Variants in GPC5 observed in about 807,000 individuals in gnomAD.
The protein encoded by GPC5 is glypican-5.
A neutral mutation model predicts 53.9 loss-of-function variants in GPC5; 47 were observed. The ratio of observed to expected loss-of-function variants is 0.87; its 90% CI spans 0.69 to 1.11. The LOEUF (loss-of-function observed/expected upper bound fraction) is 1.11, where lower values mean the gene tolerates loss of function less well. Ranked by LOEUF, GPC5 falls within the 50% of genes most tolerant of loss-of-function variation. The probability of loss-of-function intolerance (pLI) is 0.00; values close to 1 mark genes in which losing one functional copy is unlikely to be tolerated. For synonymous variants in GPC5, 286 were observed against 263.3 expected, an observed-to-expected ratio of 1.09 and a Z score of -0.84; for missense variants, 748 against 713.1, an observed-to-expected ratio of 1.05 and a Z score of -0.56.
At chr13:92,405,169 G>C (rs1196457741) in intron 7 of GPC5, among the ~76,000 whole-genome samples, 2 of 131,396 alleles carry the variant, frequency 1.5e-5, no homozygotes, top group African/African-American at 5.8e-5. Flanking sequence ...CAGGGGCATG[G>C]GTGTCCCAGC....
At chr13:92,210,540 T>C (rs2042367601) in intron 7 of GPC5, among the ~76,000 whole-genome samples, 1 of 152,186 alleles carries the variant, frequency 6.6e-6, no homozygotes, top group African/African-American at 2.4e-5. Context: ...GGCGAACTAG[T>C]GAACCTCTCC....
intron 5 of GPC5, among the ~76,000 whole-genome samples, chr13:91,872,333 C>T (rs1041381453): frequency 6.6e-6 from 1 of 152,008 alleles, no homozygotes; most frequent in Non-Finnish European, 1.5e-5. Context: ...GGTTATCACT[C>T]AAGTTCAAAA....
At chr13:91,689,224 TATA>T (rs2035698138) in intron 2 of GPC5, among the ~76,000 whole-genome samples, 7 of 108,824 alleles carry the variant, frequency 6.4e-5, no homozygotes, top group African/African-American at 2.0e-4. Context: ...TATATATATA[TATA>T]TATACACATA....
intron 2 of GPC5, among the ~76,000 whole-genome samples, chr13:91,617,205 C>T (rs1457303463): frequency 1.3e-5 from 2 of 152,040 alleles, no homozygotes; most frequent in African/African-American, 2.4e-5. Flanking sequence ...GAGCAAAATG[C>T]GTAAACATAT....
At chr13:92,033,020 C>G (rs2040864949) in intron 6 of GPC5, among the ~76,000 whole-genome samples, 1 of 143,162 alleles carries the variant, frequency 7.0e-6, no homozygotes, top group Non-Finnish European at 1.5e-5. Context: ...GTTCTTCTGC[C>G]CGGGCTAGTT....
At chr13:91,540,918 A>G (rs1315793582) in intron 2 of GPC5, among the ~76,000 whole-genome samples, 1 of 152,158 alleles carries the variant, frequency 6.6e-6, no homozygotes, top group East Asian at 1.9e-4. Flanking sequence ...ACAACATTAT[A>G]CATTGTTGAT....
chr13:92,627,432 G>T (rs112656668), intron 7 of GPC5, among the ~76,000 whole-genome samples: 1 of 152,134 alleles, frequency 6.6e-6, no homozygotes, highest in Admixed American at 6.6e-5. Flanking sequence ...CTTAGCCACC[G>T]TGCTTTTGGG....
chr13:92,266,800 A>G (rs2042805271), intron 7 of GPC5, among the ~76,000 whole-genome samples: 1 of 151,622 alleles, frequency 6.6e-6, no homozygotes, highest in Non-Finnish European at 1.5e-5. Flanking sequence ...TGAAGACACA[A>G]ATTATTTGAT....
chr13:91,970,243 A>G (rs1233187734), intron 6 of GPC5, among the ~76,000 whole-genome samples: 3 of 152,182 alleles, frequency 2.0e-5, no homozygotes, highest in Non-Finnish European at 4.4e-5. Context: ...AAATAGAAGT[A>G]GAGAGTCGAT....
chr13:91,742,597 G>A (rs554430472), intron 4 of GPC5, among the ~76,000 whole-genome samples: 1 of 152,116 alleles, frequency 6.6e-6, no homozygotes, highest in Non-Finnish European at 1.5e-5. Context: ...ATGTGGCTAC[G>A]TGCCCATATG....
chr13:91,686,852 C>T (rs2035633495), intron 2 of GPC5, among the ~76,000 whole-genome samples: 1 of 151,916 alleles, frequency 6.6e-6, no homozygotes, highest in Non-Finnish European at 1.5e-5. Flanking sequence ...TTATCCATTG[C>T]AATAACATAA....
chr13:92,485,903 T>G (rs1879535429), intron 7 of GPC5, among the ~76,000 whole-genome samples: 1 of 152,092 alleles, frequency 6.6e-6, no homozygotes, highest in South Asian at 2.1e-4. Context: ...GAGGCAGAGG[T>G]TGCAGTGAGC....
intron 6 of GPC5, among the ~76,000 whole-genome samples, chr13:91,971,130 C>G (rs559616512): frequency 4.6e-5 from 7 of 152,084 alleles, no homozygotes; most frequent in Admixed American, 6.6e-5. Flanking sequence ...ATTGATTATT[C>G]CCACAATTTC....
intron 2 of GPC5, among the ~76,000 whole-genome samples, chr13:91,589,528 A>T (rs1222647632): frequency 6.6e-6 from 1 of 152,078 alleles, no homozygotes; most frequent in Non-Finnish European, 1.5e-5. Context: ...TCTCTAAATG[A>T]CTCTCACTAC....
intron 7 of GPC5, among the ~76,000 whole-genome samples, chr13:92,785,507 AG>A (rs1490107576): frequency 2.0e-5 from 3 of 152,208 alleles, no homozygotes; most frequent in Admixed American, 6.5e-5. Context: ...GAAAGAAAAG[AG>A]GCCATGCAGC....
intron 2 of GPC5, among the ~76,000 whole-genome samples, chr13:91,558,571 T>A (rs1566503467): frequency 6.6e-6 from 1 of 152,110 alleles, no homozygotes; most frequent in Non-Finnish European, 1.5e-5. Flanking sequence ...CTGTGCTTGC[T>A]CCTGTAGCAC....
intron 2 of GPC5, among the ~76,000 whole-genome samples, chr13:91,579,365 T>C (rs1297012348): frequency 6.6e-6 from 1 of 152,180 alleles, no homozygotes; most frequent in Non-Finnish European, 1.5e-5. Flanking sequence ...GGACCATAAC[T>C]TTACCCATGT....
chr13:91,932,450 C>A (rs977571284), intron 6 of GPC5, among the ~76,000 whole-genome samples: 4 of 152,044 alleles, frequency 2.6e-5, no homozygotes, highest in African/African-American at 7.2e-5. Flanking sequence ...AATTAAGTTT[C>A]TTTGACATGA....
At chr13:92,406,504 A>C (rs1408922982) in intron 7 of GPC5, among the ~76,000 whole-genome samples, 1 of 152,164 alleles carries the variant, frequency 6.6e-6, no homozygotes, top group Non-Finnish European at 1.5e-5. Flanking sequence ...ACCGAGTCTC[A>C]GTTCATGAAG....
Sources: gnomAD v4.1 joint callset for allele counts (sites outside exome capture counted in the v4.1 genomes callset) on GRCh38, gnomAD v4.1.1 for gene constraint, MANE v1.5 for transcripts, NCBI Gene and HGNC (gene_info 2026-07-23, HGNC 2026-07-21) for gene names.